LAMA5: variants seen among roughly 807,000 people sequenced by gnomAD.
LAMA5 encodes the protein laminin subunit alpha-5.
Under a neutral mutation model 433.4 loss-of-function variants are expected in LAMA5, and 260 were observed. The observed-to-expected ratio is 0.60, with a 90% CI of 0.54 to 0.66. LAMA5 has a LOEUF of 0.66. Ranked by LOEUF, LAMA5 falls within the 30% of genes least tolerant of loss-of-function variation. The pLI is 0.00. For synonymous variants in LAMA5, 2,620 were observed against 2,226.6 expected (o/e 1.18, Z -4.97); for missense variants, 5,378 against 5,258.5 (o/e 1.02, Z -0.70).
chr20:62,310,104 T>C lies in LAMA5; in HGVS notation c.10735-23A>G, dbSNP rs775148307. 2.1e-5 allele frequency: 33 copies of C among 1,609,368 alleles called. No homozygotes were observed. In the South Asian group the frequency reaches 3.3e-4, roughly 16 times the overall value. ...GACCTGGCGGGGTAGGAAGGGAGGGTCAGGCTATGCCCCCGAGGTCACCAG... is the reference window on the plus strand; with the variant it reads ...GACCTGGCGGGGTAGGAAGGGAGGGCCAGGCTATGCCCCCGAGGTCACCAG... On this transcript the variant is annotated intron_variant, in intron 77 of 79. Transcript: ENST00000252999.
Position 62,310,564 on chromosome 20 carries a change from GACGGTCACCTAT to G in LAMA5, c.10447-4_10454del, listed in dbSNP as rs1260095316. On this transcript the variant is annotated splice_acceptor_variant and splice_polypyrimidine_tract_variant and coding_sequence_variant and intron_variant, in exon 76 of 80. Transcript: ENST00000252999. LOFTEE classifies it high-confidence loss of function. ...GTCTCTTCACACAGCCGCTGAACCC[GACGGTCACCTAT>G]AGGAGCAGACCGGGCAGGGATCAGG... is the stretch of plus-strand genomic sequence containing the variant. 1.9e-6 allele frequency: 3 copies of G among 1,548,604 alleles called. No homozygotes were observed. Among genetic ancestry groups the G allele is most frequent in the Non-Finnish European group, 2.6e-6 (3 of 1,152,594 alleles).
chr20:62,320,802 G>C lies in LAMA5; in HGVS notation c.6585C>G (p.Ile2195Met). The change falls in exon 49 of 80, where the codon ATC becomes ATG. Residue 2195 changes from isoleucine (I) to methionine (M), a missense_variant. By Grantham distance (10) the Ile-to-Met change is conservative. Transcript: ENST00000252999. Reference protein sequence around the residue: ...LPAIHEQLRGINASSMAWARL... With the variant: ...LPAIHEQLRGMNASSMAWARL... ...GGGCCCAGGCCATGGAGCTGGCATT[G>C]ATGCCACGCAGTTGCTCGTGAATGG... 1 of 1,612,674 alleles carries C rather than the reference G, an allele frequency of 6.2e-7. No homozygotes were observed. The highest frequency in any genetic ancestry group is 1.1e-5 in the South Asian group (1 of 91,086).
At chr20:62,362,610 C>T in intron 1 of LAMA5, 58 bp from the exon 2 acceptor site, 1 of 1,368,642 alleles carries the variant, frequency 7.3e-7, no homozygotes, top group Non-Finnish European at 9.6e-7. Context: ...CCTTCCTCCT[C>T]CACAGTCACC....
intron 28 of LAMA5, among the ~76,000 whole-genome samples, chr20:62,331,671 T>C (rs991377948): frequency 2.2e-4 from 33 of 152,170 alleles, no homozygotes; most frequent in Non-Finnish European, 4.7e-4. Flanking sequence ...TGCGGCCATG[T>C]GAGGTTGGTG....
rs545672024 is a variant in LAMA5 at position 62,366,183 on chromosome 20, A to AC, written c.297+765dup. On this transcript the variant is annotated intron_variant, in intron 1 of 79. Transcript: ENST00000252999. The stretch of plus-strand genomic sequence containing the variant: ...CTTTGCTGCTCCTCACCCAAGGCTG[A>AC]CCCCAGGCCCAACCTAAGTCTACAG... Among the ~76,000 whole-genome samples, 269 of 152,210 alleles carry AC rather than the reference A, an allele frequency of 1.8e-3. 2 individuals are homozygous for AC. Among genetic ancestry groups the AC allele is most frequent in the African/African-American group, 6.2e-3 (259 of 41,540 alleles).
At position 62,320,617 on chromosome 20, in the gene LAMA5, T is replaced by C; in HGVS notation, c.6701A>G (p.Glu2234Gly). The change falls in exon 50 of 80, where the codon GAG (glutamate) becomes GGG (glycine). Residue 2234 changes from glutamate (E) to glycine (G), a missense_variant. Physicochemically the swap from Glu to Gly is moderately conservative, Grantham distance 98. Transcript: ENST00000252999. ...GPRHETAQQL[E>G]VLEQQSTSLG... ...GCTTGTGCTCTGCTGCTCCAGCACC[T>C]CCAGCTGCTGTGCCGTCTCATGGCG... 6 of 1,608,820 alleles carry C rather than the reference T, an allele frequency of 3.7e-6. No homozygotes were observed. The highest frequency in any genetic ancestry group is 5.1e-6 in the Non-Finnish European group (6 of 1,179,014).
At chr20:62,366,915 G>T (rs1286265976) in intron 1 of LAMA5, 34 bp downstream of exon 1, 1 of 1,219,950 alleles carries the variant, frequency 8.2e-7, no homozygotes, top group South Asian at 4.0e-5. Flanking sequence ...CGAGTGCCCC[G>T]GGAGGAAGCC....
At chr20:62,329,294 C>G (rs1367043090) in intron 32 of LAMA5, 41 bp from the exon 33 acceptor site, 1 of 1,493,730 alleles carries the variant, frequency 6.7e-7, no homozygotes, top group South Asian at 1.1e-5. Context: ...GGGCCCAGAG[C>G]CTGCAGCGGG....
rs371394367 is a variant in LAMA5 at position 62,316,888 on chromosome 20, C to T, written c.7647G>A (p.Thr2549=). 2.0e-5 allele frequency: 31 copies of T among 1,531,952 alleles called. No homozygotes were observed. The highest frequency in any genetic ancestry group is 9.4e-5 in the East Asian group (4 of 42,576). 94.9% of individuals were successfully genotyped at this position (1,531,952 alleles called of 1,614,324 possible). ...GGGAAGTGAGGGGCCTCACCGCCCACGTGTGGTCCGCCTGCTGCAGGGCCT... is the reference window on the plus strand; with the variant it reads ...GGGAAGTGAGGGGCCTCACCGCCCATGTGTGGTCCGCCTGCTGCAGGGCCT... ...AGQALQQADH[T]WATVVRQGLV... The change falls in exon 56 of 80, where the codon ACG becomes ACA. Residue 2549 remains threonine (T), a synonymous_variant. Transcript: ENST00000252999.
In LAMA5 at chr20:62,318,933, C is replaced by CGGCCA. The variant is rs1568911459; in HGVS notation, c.6947_6951dup (p.Glu2318TrpfsTer41). 6.3e-7 allele frequency: 1 copy of CGGCCA among 1,599,962 alleles called. No individual in the cohort carries two copies. Among genetic ancestry groups the CGGCCA allele is most frequent in the Non-Finnish European group, 8.5e-7 (1 of 1,175,598 alleles). On this transcript the variant is annotated frameshift_variant, in exon 52 of 80. Transcript: ENST00000252999. LOFTEE classifies it high-confidence loss of function. ...ATCTCCCAGAGCAGCCGCTCCACCT[C>CGGCCA]GGCCAGTGTCCGGAGCAGCTGCTCA...
chr20:62,327,413 G>T lies in LAMA5; in HGVS notation c.4939-7C>A, dbSNP rs921554791. The stretch of plus-strand genomic sequence containing the variant: ...ATCCCTCCATATCCACGAACTGTGG[G>T]CACACACGTGTGGCTGCACACGGGT... On this transcript the variant is annotated splice_region_variant and splice_polypyrimidine_tract_variant and intron_variant, in intron 37 of 79. Transcript: ENST00000252999. 3 of 1,586,922 alleles carry T rather than the reference G, an allele frequency of 1.9e-6. No individual in the cohort carries two copies. Among genetic ancestry groups the T allele is most frequent in the African/African-American group, 2.7e-5 (2 of 74,662 alleles).
At chr20:62,350,474 G>T (rs907415765) in intron 6 of LAMA5, among the ~76,000 whole-genome samples, 14 of 152,186 alleles carry the variant, frequency 9.2e-5, no homozygotes, top group Non-Finnish European at 1.9e-4. Context: ...CACTGGCCGT[G>T]AGAATGGGAG....
chr20:62,358,145 G>T lies in LAMA5; in HGVS notation c.450+4255C>A, dbSNP rs186535813. On this transcript the variant is annotated intron_variant, in intron 2 of 79. Transcript: ENST00000252999. ...GGCATCTCTGTGCCCTGAGTGCCAG[G>T]TCTGGCCGTGCAGCCACCAAGGGCA... 1.5e-3 allele frequency among the ~76,000 whole-genome samples: 232 copies of T among 152,316 alleles called. 1 individual carries two copies. Among genetic ancestry groups the T allele is most frequent in the Non-Finnish European group, 1.9e-4 (13 of 68,002 alleles).
rs1987070577 is a variant in LAMA5 at position 62,317,438 on chromosome 20, T to C, written c.7418A>G (p.Gln2473Arg). ...CTTGCTGCCCGCCGGGGAGAAGGTCTGCATCCTCTGCAGCAGTGGGGTCCG... is the reference window on the plus strand; with the variant it reads ...CTTGCTGCCCGCCGGGGAGAAGGTCCGCATCCTCTGCAGCAGTGGGGTCCG... Reference protein sequence around the residue: ...GARTPLLQRMQTFSPAGSKLR... With the variant: ...GARTPLLQRMRTFSPAGSKLR... The change falls in exon 55 of 80, where the codon CAG becomes CGG. Residue 2473 changes from glutamine (Q) to arginine (R), a missense_variant. Transcript: ENST00000252999. The C allele has an allele frequency of 6.3e-7, 1 of 1,599,518 alleles. No homozygotes were observed. The highest frequency in any genetic ancestry group is 1.1e-5 in the South Asian group (1 of 89,668).
chr20:62,362,349 C>T lies in LAMA5; in HGVS notation c.450+51G>A, dbSNP rs372787515. ...GTCCTGTGGCCCAAGGTAGGCCCGA[C>T]GGGCACAGACACAGAGATGGGGGCT... On this transcript the variant is annotated intron_variant, in intron 2 of 79. Coordinates refer to ENST00000252999, the MANE Select transcript of LAMA5 (RefSeq NM_005560.6). 2.1e-5 allele frequency: 30 copies of T among 1,400,590 alleles called. No individual in the cohort carries two copies. The African/African-American group carries it at 2.3e-4, about 11-fold the overall frequency. 86.8% of individuals were successfully genotyped at this position (1,400,590 alleles called of 1,614,324 possible).
At chr20:62,314,975 GCC>G in intron 59 of LAMA5, 28 bp from the exon 60 acceptor site, 1 of 1,579,000 alleles carries the variant, frequency 6.3e-7, no homozygotes, top group Non-Finnish European at 8.6e-7. Flanking sequence ...TGAGACCTTT[GCC>G]CCCCACCGTG....
At chr20:62,317,124 C>T (rs1601295781) in intron 55 of LAMA5, 101 bp from the exon 56 acceptor site, 33 of 1,323,898 alleles carry the variant, frequency 2.5e-5, no homozygotes, top group East Asian at 5.0e-5. Flanking sequence ...CGTGCCTGCC[C>T]GCCAAGTCCC....
intron 57 of LAMA5, chr20:62,316,399 G>A (rs918612158): frequency 5.6e-6 from 3 of 533,824 alleles, no homozygotes; most frequent in East Asian, 6.0e-5. Context: ...CAGAGCAGAG[G>A]CCACGTATCT....
Position 62,326,663 on chromosome 20 carries a change from C to T in LAMA5, c.5298+14G>A, listed in dbSNP as rs778206433. ...TCCATGAGGGACCTGGGTGCCCAAG[C>T]CAGCTCCCCTCACCTCCACCAGCTG... On this transcript the variant is annotated intron_variant, in intron 40 of 79. Coordinates refer to ENST00000252999, the MANE Select transcript of LAMA5 (RefSeq NM_005560.6). 82 of 1,608,568 alleles carry T rather than the reference C, an allele frequency of 5.1e-5. 1 individual carries two copies. Among genetic ancestry groups the T allele is most frequent in the Non-Finnish European group, 6.5e-5 (76 of 1,177,302 alleles).
Sources: gnomAD v4.1 joint callset for allele counts (sites outside exome capture counted in the v4.1 genomes callset) on GRCh38, gnomAD v4.1.1 for gene constraint, MANE v1.5 for transcripts, NCBI Gene and HGNC (gene_info 2026-07-23, HGNC 2026-07-21) for gene names.